Variants in TRHDE observed in about 807,000 individuals in gnomAD.
The protein encoded by TRHDE is thyrotropin-releasing hormone-degrading ectoenzyme.
A neutral mutation model predicts 125.7 loss-of-function variants in TRHDE; 72 were observed. The observed-to-expected ratio is 0.57, with a 90% confidence interval of 0.47 to 0.70. TRHDE has a LOEUF of 0.70. Ranked by LOEUF, TRHDE falls within the 30% of genes least tolerant of loss-of-function variation. The pLI is 0.00. For missense variants in TRHDE, 1,110 were observed against 1,327.1 expected, an observed-to-expected ratio of 0.84 and a Z score of 2.54; for synonymous variants, 509 against 509.1, an observed-to-expected ratio of 1.00 and a Z score of 0.00.
intron 12 of TRHDE, among the ~76,000 whole-genome samples, chr12:72,599,631 A>G (rs984347945): frequency 3.3e-5 from 5 of 152,088 alleles, no homozygotes; most frequent in Non-Finnish European, 7.4e-5. Context: ...TGTCAGATGC[A>G]TAGTTTGCAG....
In TRHDE at chr12:72,149,094, G is replaced by A. The variant is rs143615231; in HGVS notation, n.279+43342G>A. ...CCTTCTTTTTGGCAAATTCTAACAT[G>A]ATTTTTTTTTTCTGGCTTGAAAATT... On this transcript the variant is annotated intron_variant and non_coding_transcript_variant, in intron 2 of 4. Transcript: ENST00000548156. Among the ~76,000 whole-genome samples, 101 of 151,906 alleles carry A rather than the reference G, an allele frequency of 6.6e-4. 1 individual carries two copies. The East Asian group carries it at 0.016, about 24-fold the overall frequency.
chr12:72,326,204 A>T (rs866709736), intron 2 of TRHDE, among the ~76,000 whole-genome samples: 2 of 152,198 alleles, frequency 1.3e-5, no homozygotes, highest in African/African-American at 2.4e-5. Context: ...GACAAATCCT[A>T]TATTTCATTC....
chr12:72,636,044 T>G (rs1167399056), intron 15 of TRHDE, among the ~76,000 whole-genome samples: 2 of 150,982 alleles, frequency 1.3e-5, no homozygotes, highest in African/African-American at 2.4e-5. Context: ...GTGAAGAAAG[T>G]CATTGGTAGC....
At chr12:72,410,239 A>G (rs1362441941) in intron 3 of TRHDE, among the ~76,000 whole-genome samples, 1 of 152,010 alleles carries the variant, frequency 6.6e-6, no homozygotes, top group Admixed American at 6.6e-5. Flanking sequence ...TATTTTATCC[A>G]TTAAGTAAAC....
chr12:72,452,183 T>A (rs1450527155), intron 3 of TRHDE, among the ~76,000 whole-genome samples: 1 of 138,584 alleles, frequency 7.2e-6, no homozygotes, highest in Non-Finnish European at 1.5e-5. Context: ...TTATATTTAT[T>A]CCTGAGGTTT....
intron 1 of TRHDE, among the ~76,000 whole-genome samples, chr12:72,276,729 G>A (rs1879500408): frequency 6.6e-6 from 1 of 152,094 alleles, no homozygotes; most frequent in Admixed American, 6.5e-5. Flanking sequence ...CTCTACTCTT[G>A]GTTACTACAG....
chr12:72,658,869 C>G (rs1874807598), intron 18 of TRHDE, among the ~76,000 whole-genome samples: 1 of 152,114 alleles, frequency 6.6e-6, no homozygotes, highest in African/African-American at 2.4e-5. Context: ...ACAGATGCTG[C>G]CTGAGGCTTT....
intron 9 of TRHDE, among the ~76,000 whole-genome samples, chr12:72,564,693 A>G (rs1425707881): frequency 3.0e-5 from 2 of 67,676 alleles, no homozygotes; most frequent in African/African-American, 9.2e-5. Flanking sequence ...TTTGAGACGG[A>G]GTCTTGCTCT....
intron 1 of TRHDE, among the ~76,000 whole-genome samples, chr12:72,276,327 G>A (rs564428989): frequency 2.6e-5 from 4 of 152,044 alleles, no homozygotes; most frequent in African/African-American, 4.8e-5. Context: ...TTAATTATAG[G>A]GTAATGTCTG....
chr12:72,151,639 T>G (rs961475476), intron 2 of TRHDE, among the ~76,000 whole-genome samples: 13 of 152,028 alleles, frequency 8.6e-5, no homozygotes, highest in Admixed American at 8.5e-4. Flanking sequence ...CCAGCACCAT[T>G]TATTAAATAG....
chr12:72,635,914 T>C lies in TRHDE; in HGVS notation c.2675+14163T>C, dbSNP rs887860224. Among the ~76,000 whole-genome samples the C allele has an allele frequency of 2.9e-3, 434 of 152,254 alleles. 1 individual carries two copies. The highest frequency in any genetic ancestry group is 9.8e-3 in the African/African-American group (409 of 41,532). On this transcript the variant is annotated intron_variant, in intron 15 of 18. Coordinates refer to ENST00000261180, the MANE Select transcript of TRHDE (RefSeq NM_013381.3). ...TCTTTTGGTTACTGTAGCCTTGTAG[T>C]ATAGTTTGAAGTCAGGTAGCATGAT...
chr12:72,442,871 C>T (rs1875084444), intron 3 of TRHDE, among the ~76,000 whole-genome samples: 1 of 151,772 alleles, frequency 6.6e-6, no homozygotes, highest in Non-Finnish European at 1.5e-5. Flanking sequence ...TAATTCTATC[C>T]ACTCTTCCAT....
intron 2 of TRHDE, among the ~76,000 whole-genome samples, chr12:72,192,495 A>C (rs746610049): frequency 6.6e-6 from 1 of 152,048 alleles, no homozygotes; most frequent in Non-Finnish European, 1.5e-5. Flanking sequence ...AAGTCGAAAG[A>C]AGGCAGAGAA....
At chr12:72,634,722 A>G (rs546158042) in intron 15 of TRHDE, among the ~76,000 whole-genome samples, 50 of 144,746 alleles carry the variant, frequency 3.5e-4, no homozygotes, top group African/African-American at 1.2e-3. Context: ...TCATTGTTCA[A>G]TTCCCACCTA....
intron 2 of TRHDE, among the ~76,000 whole-genome samples, chr12:72,329,091 G>C (rs1198096146): frequency 6.6e-6 from 1 of 151,994 alleles, no homozygotes; most frequent in Admixed American, 6.6e-5. Context: ...TCATATTCTT[G>C]TCCTTTGCTA....
At chr12:72,099,856 T>G (rs577729850) in intron 1 of TRHDE, among the ~76,000 whole-genome samples, 2 of 152,352 alleles carry the variant, frequency 1.3e-5, no homozygotes, top group South Asian at 4.1e-4. Flanking sequence ...CATTTTGATT[T>G]TTATGTTGAT....
chr12:72,612,238 A>G (rs1284099784), intron 12 of TRHDE, among the ~76,000 whole-genome samples: 1 of 152,126 alleles, frequency 6.6e-6, no homozygotes, highest in Non-Finnish European at 1.5e-5. Context: ...CTCTTACTTC[A>G]TGCAGGTGAC....
At chr12:72,637,449 A>G (rs576827311) in intron 15 of TRHDE, among the ~76,000 whole-genome samples, 4 of 152,158 alleles carry the variant, frequency 2.6e-5, no homozygotes, top group African/African-American at 7.2e-5. Context: ...CCTTTCAAAA[A>G]ACCAGCTCCT....
intron 3 of TRHDE, among the ~76,000 whole-genome samples, chr12:72,383,980 A>T (rs1872305853): frequency 6.6e-6 from 1 of 152,142 alleles, no homozygotes; most frequent in Non-Finnish European, 1.5e-5. Context: ...TACTGATTTT[A>T]CTGATGGTCT....
Sources: allele counts gnomAD v4.1 joint callset (sites outside exome capture counted in the v4.1 genomes callset), GRCh38; gene constraint gnomAD v4.1.1; transcripts MANE v1.5; gene names NCBI Gene and HGNC (gene_info 2026-07-23, HGNC 2026-07-21).